The following BAZ2B variants were observed in gnomAD, a reference collection of about 807,000 sequenced individuals.
BAZ2B encodes bromodomain adjacent to zinc finger domain protein 2B.
BAZ2B carries 91 observed loss-of-function variants against 246.0 expected under a neutral mutation model. The ratio of observed to expected loss-of-function variants is 0.37; its 90% CI spans 0.31 to 0.44. The LOEUF (loss-of-function observed/expected upper bound fraction) is 0.44. BAZ2B is among the 20% of genes least tolerant of loss of function. The pLI is 1.00. For synonymous variants in BAZ2B, 855 were observed against 860.0 expected, an observed-to-expected ratio of 0.99 and a Z score of 0.10; for missense variants, 2,332 against 2,533.7, an observed-to-expected ratio of 0.92 and a Z score of 1.71.
the BAZ2B span, among the ~76,000 whole-genome samples, chr2:159,696,958 T>C: frequency 1.3e-5 from 2 of 152,158 alleles, no homozygotes; most frequent in South Asian, 2.1e-4. Flanking sequence ...GGCTAATTGT[T>C]GTATTTTTGT....
chr2:159,385,805 C>T (rs2062585773), intron 22 of BAZ2B, among the ~76,000 whole-genome samples: 1 of 152,040 alleles, frequency 6.6e-6, no homozygotes, highest in Non-Finnish European at 1.5e-5. Context: ...TAGGGAAACA[C>T]TGAGGGAGAT....
the BAZ2B span, among the ~76,000 whole-genome samples, chr2:159,621,844 G>A: frequency 3.3e-5 from 5 of 152,018 alleles, no homozygotes; most frequent in Admixed American, 6.5e-5. Context: ...GGTAGCTCAC[G>A]CCTGTAATCC....
At chr2:159,487,119 A>AT (rs911674703) in intron 2 of BAZ2B, among the ~76,000 whole-genome samples, 5 of 152,184 alleles carry the variant, frequency 3.3e-5, no homozygotes, top group African/African-American at 1.2e-4. Flanking sequence ...ATGTGATTGT[A>AT]TTAATGACAG....
chr2:159,541,686 C>T (rs1046083415), intron 2 of BAZ2B, among the ~76,000 whole-genome samples: 19 of 152,198 alleles, frequency 1.2e-4, no homozygotes, highest in African/African-American at 4.6e-4. Context: ...GTACTCCAGT[C>T]ATACTGGCTT....
chr2:159,547,105 G>GT (rs1419622610), intron 2 of BAZ2B, among the ~76,000 whole-genome samples: 2 of 152,140 alleles, frequency 1.3e-5, no homozygotes, highest in African/African-American at 4.8e-5. Flanking sequence ...ATGAACAAAA[G>GT]TTGAGGGGTT....
chr2:159,439,543 C>CAT (rs1486734515), intron 6 of BAZ2B, among the ~76,000 whole-genome samples: 1 of 152,114 alleles, frequency 6.6e-6, no homozygotes, highest in Non-Finnish European at 1.5e-5. Context: ...AACTATGATA[C>CAT]ATACATCAAA....
At chr2:159,701,449 T>C in the BAZ2B span, among the ~76,000 whole-genome samples, 5 of 151,828 alleles carry the variant, frequency 3.3e-5, no homozygotes, top group Non-Finnish European at 5.9e-5. Flanking sequence ...ATTCCTTTTT[T>C]TTAGATACAG....
chr2:159,412,756 A>G (rs2067024040), intron 13 of BAZ2B, among the ~76,000 whole-genome samples: 1 of 152,200 alleles, frequency 6.6e-6, no homozygotes, highest in Non-Finnish European at 1.5e-5. Flanking sequence ...TAATGACTTA[A>G]GCTTTAATTA....
At chr2:159,551,075 C>CA in intron 2 of BAZ2B, among the ~76,000 whole-genome samples, 1 of 152,114 alleles carries the variant, frequency 6.6e-6, no homozygotes, top group South Asian at 2.1e-4. Context: ...AGGGCTCAAG[C>CA]AATCCCCCCT....
chr2:159,380,241 C>A (rs144387199), intron 25 of BAZ2B, among the ~76,000 whole-genome samples: 2 of 152,146 alleles, frequency 1.3e-5, no homozygotes, highest in African/African-American at 4.8e-5. Context: ...GGCTCCTTCT[C>A]CTGCTCTAGG....
At chr2:159,484,843 A>G (rs1184991625) in intron 2 of BAZ2B, among the ~76,000 whole-genome samples, 1 of 152,222 alleles carries the variant, frequency 6.6e-6, no homozygotes, top group Non-Finnish European at 1.5e-5. Context: ...GTAATAAAAA[A>G]AAAAGTATAG....
At chr2:159,337,221 G>A in intron 32 of BAZ2B, 144 bp from the exon 33 acceptor site, 1 of 1,123,810 alleles carries the variant, frequency 8.9e-7, no homozygotes, top group Non-Finnish European at 1.3e-6. Flanking sequence ...TAAATTTGAT[G>A]TAGTGCACAG....
chr2:159,524,197 A>G (rs1264513785), intron 2 of BAZ2B, among the ~76,000 whole-genome samples: 1 of 152,128 alleles, frequency 6.6e-6, no homozygotes. Flanking sequence ...ACGTGGGAGG[A>G]TACATTGACG....
At chr2:159,424,490 T>G (rs530030496) in intron 13 of BAZ2B, among the ~76,000 whole-genome samples, 1 of 152,290 alleles carries the variant, frequency 6.6e-6, no homozygotes, top group South Asian at 2.1e-4. Context: ...AAATTTTATA[T>G]ATAATATATG....
chr2:159,588,214 C>CAAAAA (rs556237766), intron 1 of BAZ2B, among the ~76,000 whole-genome samples: 20 of 109,166 alleles, frequency 1.8e-4, no homozygotes, highest in East Asian at 7.4e-4. Context: ...GACCCTGCAT[C>CAAAAA]AAAAAAAAAA....
At chr2:159,711,149 C>T in the BAZ2B span, among the ~76,000 whole-genome samples, 1 of 152,150 alleles carries the variant, frequency 6.6e-6, no homozygotes, top group Non-Finnish European at 1.5e-5. Flanking sequence ...TAGTCTGGTT[C>T]TTCAGGGTGT....
chr2:159,420,969 G>A (rs937199052), intron 13 of BAZ2B, among the ~76,000 whole-genome samples: 1 of 152,140 alleles, frequency 6.6e-6, no homozygotes, highest in African/African-American at 2.4e-5. Context: ...GGCTTATATA[G>A]AGTATTACAA....
chr2:159,595,081 A>G (rs1690342850), intron 1 of BAZ2B, among the ~76,000 whole-genome samples: 1 of 151,654 alleles, frequency 6.6e-6, no homozygotes, highest in African/African-American at 2.4e-5. Context: ...TGAAACATTG[A>G]TTACTATGCA....
At chr2:159,682,392 T>C in the BAZ2B span, among the ~76,000 whole-genome samples, 1 of 152,036 alleles carries the variant, frequency 6.6e-6, no homozygotes, top group Non-Finnish European at 1.5e-5. Flanking sequence ...TTGTCCAGGC[T>C]GGTCTTGAAC....
Sources: allele counts gnomAD v4.1 joint callset (sites outside exome capture counted in the v4.1 genomes callset), GRCh38; gene constraint gnomAD v4.1.1; transcripts MANE v1.5; gene names NCBI Gene and HGNC (gene_info 2026-07-23, HGNC 2026-07-21).